Variants in BCAR3 observed in about 807,000 individuals in gnomAD.
BCAR3 encodes breast cancer anti-estrogen resistance protein 3.
Under a neutral mutation model 80.1 loss-of-function variants are expected in BCAR3, and 37 were observed. The observed-to-expected ratio is 0.46, with a 90% CI of 0.36 to 0.61. The LOEUF is 0.61. Ranked by LOEUF, BCAR3 falls within the 20% of genes least tolerant of loss-of-function variation. The pLI is 0.00. For missense variants in BCAR3, 978 were observed against 1,068.2 expected (o/e 0.92, Z 1.18); for synonymous variants, 389 against 418.9 (o/e 0.93, Z 0.87).
chr1:93,742,590 C>T (rs1470772757), intron 2 of BCAR3, among the ~76,000 whole-genome samples: 1 of 151,912 alleles, frequency 6.6e-6, no homozygotes, highest in Non-Finnish European at 1.5e-5. Context: ...GGGATTTTCA[C>T]CCATTAGAAG....
chr1:93,562,268 A>C lies in BCAR3; in HGVS notation c.2451T>G (p.Pro817=). 6.2e-7 allele frequency: 1 copy of C among 1,613,924 alleles called. No homozygotes were observed. The highest frequency in any genetic ancestry group is 8.5e-7 in the Non-Finnish European group (1 of 1,179,878). Residue 817 remains proline (P), a synonymous_variant, in exon 12 of 12, where the codon CCT becomes CCG. Coordinates refer to ENST00000260502, the MANE Select transcript of BCAR3 (RefSeq NM_003567.4). ...AAAGCTCTGCCTGCTTTACAGGAGG[A>C]GGTTCCAATTTACGCGAGAGGGCAG... ...ILTALSRKLE[P]PPVKQAEL
intron 2 of BCAR3, among the ~76,000 whole-genome samples, chr1:93,783,426 C>T (rs781559736): frequency 2.6e-5 from 4 of 152,124 alleles, no homozygotes; most frequent in Non-Finnish European, 4.4e-5. Flanking sequence ...GCCCTAGGCT[C>T]ATGTGCAAAG....
At chr1:93,614,317 A>T (rs916103723) in intron 3 of BCAR3, among the ~76,000 whole-genome samples, 2 of 151,928 alleles carry the variant, frequency 1.3e-5, no homozygotes, top group Non-Finnish European at 2.9e-5. Context: ...CCCGACCCAG[A>T]ATTTCCTTCT....
intron 11 of BCAR3, among the ~76,000 whole-genome samples, chr1:93,566,886 C>G (rs1234522756): frequency 1.3e-5 from 2 of 152,084 alleles, no homozygotes; most frequent in Admixed American, 1.3e-4. Flanking sequence ...CACCATCACG[C>G]CCAGCTAATT....
At chr1:93,756,577 G>A (rs1346240762) in intron 2 of BCAR3, among the ~76,000 whole-genome samples, 3 of 152,220 alleles carry the variant, frequency 2.0e-5, no homozygotes, top group Non-Finnish European at 4.4e-5. Flanking sequence ...AAGCAAGTCA[G>A]TATATGTGCT....
At chr1:93,669,127 A>G (rs236287) in intron 2 of BCAR3, among the ~76,000 whole-genome samples, 44,056 of 152,094 alleles carry the variant, frequency 0.29, 8,704 homozygotes, top group African/African-American at 0.57. Flanking sequence ...AGATGTTTGC[A>G]TGTGGACCTT....
Position 93,710,074 on chromosome 1 carries a change from C to T in BCAR3, c.-62-3932G>A, listed in dbSNP as rs147722187. Among the ~76,000 whole-genome samples, 647 of 152,244 alleles carry T rather than the reference C, an allele frequency of 4.2e-3. 2 individuals carry two copies. Among genetic ancestry groups the T allele is most frequent in the African/African-American group, 0.015 (623 of 41,532 alleles). On this transcript the variant is annotated intron_variant, in intron 2 of 13. Coordinates refer to the BCAR3 transcript ENST00000370244. ...AAGATTAGGCCAGTTGGACGAAATC[C>T]ATGAGAGAATGAAATATGAGTTCAA...
At chr1:93,752,269 T>C (rs1244280277) in intron 2 of BCAR3, among the ~76,000 whole-genome samples, 2 of 152,200 alleles carry the variant, frequency 1.3e-5, no homozygotes, top group African/African-American at 2.4e-5. Flanking sequence ...GTGATGCTCC[T>C]AAAAGGGCTA....
intron 2 of BCAR3, among the ~76,000 whole-genome samples, chr1:93,763,205 A>G (rs1214458768): frequency 6.6e-6 from 1 of 152,186 alleles, no homozygotes; most frequent in Non-Finnish European, 1.5e-5. Flanking sequence ...CTAGGATTAC[A>G]GGTGCACGTC....
At chr1:93,630,448 G>A (rs1420276008) in intron 3 of BCAR3, among the ~76,000 whole-genome samples, 1 of 150,876 alleles carries the variant, frequency 6.6e-6, no homozygotes, top group African/African-American at 2.4e-5. Context: ...ACATGATGGT[G>A]AAACCAGGTC....
At chr1:93,635,773 T>G (rs1024934770) in intron 3 of BCAR3, among the ~76,000 whole-genome samples, 2 of 152,232 alleles carry the variant, frequency 1.3e-5, no homozygotes, top group Non-Finnish European at 2.9e-5. Flanking sequence ...TTGGTTCATA[T>G]AACTTGTTAA....
chr1:93,820,820 G>A (rs1023522656), intron 2 of BCAR3, among the ~76,000 whole-genome samples: 12 of 152,198 alleles, frequency 7.9e-5, no homozygotes, highest in African/African-American at 2.6e-4. Context: ...CTAATCGTAA[G>A]CTTGATTCCT....
intron 3 of BCAR3, among the ~76,000 whole-genome samples, chr1:93,613,317 G>T (rs923190090): frequency 1.3e-5 from 2 of 152,144 alleles, no homozygotes; most frequent in Non-Finnish European, 2.9e-5. Flanking sequence ...AAAGCTCTTG[G>T]CACCGGTGTC....
At chr1:93,719,346 T>G (rs1051936556) in intron 2 of BCAR3, among the ~76,000 whole-genome samples, 2 of 133,676 alleles carry the variant, frequency 1.5e-5, no homozygotes, top group South Asian at 5.3e-4. Context: ...TTTTTTTTTT[T>G]TTTTTTTTTT....
At chr1:93,823,033 T>C (rs1164502604) in intron 2 of BCAR3, among the ~76,000 whole-genome samples, 1 of 133,132 alleles carries the variant, frequency 7.5e-6, no homozygotes, top group Non-Finnish European at 1.7e-5. Context: ...CTCCCTGCTG[T>C]AGATGCACAG....
intron 2 of BCAR3, among the ~76,000 whole-genome samples, chr1:93,645,737 T>C (rs1676134514): frequency 6.7e-6 from 1 of 150,330 alleles, no homozygotes. Context: ...TTATACATTA[T>C]ATATACATGA....
chr1:93,651,071 A>G (rs1392656018), intron 2 of BCAR3, among the ~76,000 whole-genome samples: 5 of 152,224 alleles, frequency 3.3e-5, no homozygotes, highest in Non-Finnish European at 5.9e-5. Flanking sequence ...CCAGAAAACC[A>G]GCAACCAGGT....
intron 2 of BCAR3, among the ~76,000 whole-genome samples, chr1:93,773,797 A>G (rs1469960338): frequency 9.9e-5 from 15 of 152,062 alleles, no homozygotes; most frequent in Non-Finnish European, 2.2e-4. Flanking sequence ...TTTTCTTTAT[A>G]TTAATGCTCC....
intron 3 of BCAR3, among the ~76,000 whole-genome samples, chr1:93,701,879 A>G (rs1649654871): frequency 6.6e-6 from 1 of 152,132 alleles, no homozygotes; most frequent in African/African-American, 2.4e-5. Flanking sequence ...CTGCCTTAAG[A>G]ACATGTGAGC....
Sources: gnomAD v4.1 joint callset for allele counts (sites outside exome capture counted in the v4.1 genomes callset) on GRCh38, gnomAD v4.1.1 for gene constraint, MANE v1.5 for transcripts, NCBI Gene and HGNC (gene_info 2026-07-23, HGNC 2026-07-21) for gene names.